GXYLT1: variants seen among roughly 807,000 people sequenced by gnomAD.
The protein encoded by GXYLT1 is glucoside xylosyltransferase 1, also known as glycosyltransferase 8 domain containing 3.
In GXYLT1, 29 loss-of-function variants were observed where a neutral mutation model predicts 54.0. The ratio of observed to expected loss-of-function variants is 0.54; its 90% CI spans 0.40 to 0.73. The LOEUF (loss-of-function observed/expected upper bound fraction) is 0.73. Among genes scored for constraint, GXYLT1 ranks in the 30% least tolerant of loss-of-function variants. The pLI is 0.00. For synonymous variants in GXYLT1, 176 were observed against 204.1 expected (o/e 0.86, Z 1.17); for missense variants, 490 against 553.4 (o/e 0.89, Z 1.15).
At chr12:42,097,711 A>G (rs2065364280) in intron 6 of GXYLT1, 97 bp from the exon 7 acceptor site, 1 of 1,183,470 alleles carries the variant, frequency 8.4e-7, no homozygotes, top group Non-Finnish European at 1.2e-6. Context: ...AGCTCTTACA[A>G]GTAAGAATTA....
At chr12:42,140,901 C>A (rs1441985447) in intron 1 of GXYLT1, among the ~76,000 whole-genome samples, 2 of 152,154 alleles carry the variant, frequency 1.3e-5, no homozygotes, top group Non-Finnish European at 2.9e-5. Context: ...TTTAATCATC[C>A]TGAGTAACTA....
intron 3 of GXYLT1, among the ~76,000 whole-genome samples, chr12:42,110,308 CAGTT>C (rs1224631699): frequency 6.6e-6 from 1 of 152,128 alleles, no homozygotes; most frequent in Non-Finnish European, 1.5e-5. Flanking sequence ...GTTTCTAATT[CAGTT>C]TAAGTATTAT....
chr12:42,100,832 G>A (rs1040339147), intron 5 of GXYLT1, among the ~76,000 whole-genome samples: 1 of 151,960 alleles, frequency 6.6e-6, no homozygotes, highest in East Asian at 1.9e-4. Flanking sequence ...CAGAACTGGT[G>A]GAGCCCTTGT....
chr12:42,094,351 C>CAAAA (rs11406709), intron 7 of GXYLT1, among the ~76,000 whole-genome samples: 1 of 74,636 alleles, frequency 1.3e-5, no homozygotes, highest in Non-Finnish European at 2.6e-5. Context: ...AACCCTGCCT[C>CAAAA]AAAAAAAAAA....
intron 5 of GXYLT1, among the ~76,000 whole-genome samples, chr12:42,104,243 T>C (rs1441454902): frequency 1.5e-5 from 2 of 133,364 alleles, no homozygotes; most frequent in Non-Finnish European, 3.2e-5. Context: ...AATGCAGTTA[T>C]TGAGAAGTCA....
intron 2 of GXYLT1, among the ~76,000 whole-genome samples, chr12:42,127,182 G>T (rs1001033533): frequency 1.3e-5 from 2 of 152,146 alleles, no homozygotes; most frequent in Non-Finnish European, 2.9e-5. Context: ...AGCTTTACCA[G>T]TATTAAAGTA....
In GXYLT1 at chr12:42,119,030, T is replaced by G. The variant is rs1193797559; in HGVS notation, c.456A>C (p.Glu152Asp). ...CTTTAAAGCTATGATGTAGCTGATCTTCAGCAAAAATATGGAATTGAAGAG... is the reference window on the plus strand; with the variant it reads ...CTTTAAAGCTATGATGTAGCTGATCGTCAGCAAAAATATGGAATTGAAGAG... ...IKPLQFHIFA[E>D]DQLHHSFKGR... is the part of the protein sequence containing the mutation. Residue 152 changes from glutamate to aspartate, a missense_variant, in exon 3 of 8, where the codon GAA becomes GAC. Coordinates refer to ENST00000398675, the MANE Select transcript of GXYLT1 (RefSeq NM_173601.2). 6.2e-7 allele frequency: 1 copy of G among 1,613,950 alleles called. No individual in the cohort carries two copies.
Position 42,144,562 on chromosome 12 carries a change from A to T in GXYLT1, c.85T>A (p.Ser29Thr). The change falls in exon 1 of 8, where the codon TCC becomes ACC. Residue 29 changes from serine (S) to threonine (T), a missense_variant. Ser to Thr is a moderately conservative substitution (Grantham distance 58). This residue lies in a region of GXYLT1 where 148 missense variants were observed against 210.7 expected (regional missense o/e 0.70). Transcript: ENST00000398675. ...LLYAFSQLAV[S>T]LEEGTGGGGG... Reference sequence around the variant, plus strand: ...CCGCCGCCCGTTCCTTCTTCCAGGGACACGGCGAGCTGGCTGAAAGCGTAA... The same window carrying T: ...CCGCCGCCCGTTCCTTCTTCCAGGGTCACGGCGAGCTGGCTGAAAGCGTAA... 1 of 1,465,184 alleles carries T rather than the reference A, an allele frequency of 6.8e-7. No individual in the cohort carries two copies. The highest frequency in any genetic ancestry group is 9.0e-7 in the Non-Finnish European group (1 of 1,107,608). The allele number at this position is 1,465,184 out of a possible 1,614,324, so 90.8% of individuals were successfully genotyped here.
chr12:42,100,271 A>AT (rs2065382306), intron 5 of GXYLT1, among the ~76,000 whole-genome samples: 1 of 152,130 alleles, frequency 6.6e-6, no homozygotes, highest in Non-Finnish European at 1.5e-5. Context: ...TACTATGTAA[A>AT]TTTTTTCTAT....
At chr12:42,135,670 C>T (rs7971943) in intron 1 of GXYLT1, among the ~76,000 whole-genome samples, 78,150 of 152,052 alleles carry the variant, frequency 0.51, 20,515 homozygotes, top group South Asian at 0.69. Context: ...GTGGATAAAC[C>T]TTGAAATATT....
At chr12:42,142,205 T>C (rs961914898) in intron 1 of GXYLT1, among the ~76,000 whole-genome samples, 12 of 152,224 alleles carry the variant, frequency 7.9e-5, no homozygotes, top group Non-Finnish European at 1.5e-4. Flanking sequence ...GAAAGAGCTC[T>C]TGTATAACAC....
intron 5 of GXYLT1, among the ~76,000 whole-genome samples, chr12:42,101,368 C>T (rs1229733027): frequency 1.3e-5 from 2 of 152,014 alleles, no homozygotes; most frequent in African/African-American, 2.4e-5. Flanking sequence ...ATATTTTCAG[C>T]CATACAACTA....
rs1373550913 is a variant in GXYLT1, at chr12:42,085,248, G to T, written c.*2538C>A. ...AATTTATGGTAAAATGATCAATTAG[G>T]TCAGGTCTAAATAAACCAGATGAAG... On this transcript the variant is annotated 3_prime_UTR_variant, in exon 8 of 8. Coordinates refer to ENST00000398675, the MANE Select transcript of GXYLT1 (RefSeq NM_173601.2). 1 of 138,060 alleles carries T rather than the reference G, an allele frequency of 7.2e-6. No individual in the cohort carries two copies. Among genetic ancestry groups the T allele is most frequent in the Admixed American group, 7.1e-5 (1 of 14,034 alleles). The allele number at this position is 138,060 out of a possible 1,614,324, so 8.6% of individuals were successfully genotyped here. A position where few individuals can be genotyped will look rare whatever the true frequency, so the allele number is the denominator to read the frequency against.
chr12:42,141,957 A>AT (rs752312932), intron 1 of GXYLT1, among the ~76,000 whole-genome samples: 61 of 152,238 alleles, frequency 4.0e-4, no homozygotes, highest in Non-Finnish European at 7.1e-4. Flanking sequence ...ATGAAATTCT[A>AT]TACCATGAAT....
chr12:42,112,260 A>G (rs981509165), intron 3 of GXYLT1, among the ~76,000 whole-genome samples: 3 of 152,248 alleles, frequency 2.0e-5, no homozygotes, highest in African/African-American at 7.2e-5. Context: ...AAAGGAATGC[A>G]GCTCCTCACC....
Position 42,087,528 on chromosome 12 carries a change from A to G in GXYLT1, c.*258T>C. 2.8e-6 allele frequency: 1 copy of G among 355,240 alleles called. No individual in the cohort carries two copies. Among genetic ancestry groups the G allele is most frequent in the Admixed American group, 4.8e-5 (1 of 20,710 alleles). 22.0% of individuals were successfully genotyped at this position (355,240 alleles called of 1,614,324 possible). A position where few individuals can be genotyped will look rare whatever the true frequency, so the allele number is the denominator to read the frequency against. Reference sequence around the variant, plus strand: ...AGAAGTCTGCAGGTTAAACCCATTCAATAGTATTTTCATCAATACTGGAAT... The same window carrying G: ...AGAAGTCTGCAGGTTAAACCCATTCGATAGTATTTTCATCAATACTGGAAT... On this transcript the variant is annotated 3_prime_UTR_variant, in exon 8 of 8. Coordinates refer to ENST00000398675, the MANE Select transcript of GXYLT1 (RefSeq NM_173601.2).
chr12:42,129,858 G>A lies in GXYLT1; in HGVS notation c.222-7C>T. Reference sequence around the variant, plus strand: ...CAGAGAGAAATCTTTACACCTAACAGAGTAAGACAGAAATAAGAGTCCTGT... The same window carrying A: ...CAGAGAGAAATCTTTACACCTAACAAAGTAAGACAGAAATAAGAGTCCTGT... On this transcript the variant is annotated splice_polypyrimidine_tract_variant and splice_region_variant and intron_variant, in intron 1 of 7. Coordinates refer to ENST00000398675, the MANE Select transcript of GXYLT1 (RefSeq NM_173601.2). The A allele has an allele frequency of 9.5e-6, 15 of 1,581,014 alleles. No homozygotes were observed. Among genetic ancestry groups the A allele is most frequent in the African/African-American group, 1.3e-5 (1 of 74,328 alleles).
chr12:42,127,627 G>A (rs943460285), intron 2 of GXYLT1, among the ~76,000 whole-genome samples: 11 of 152,172 alleles, frequency 7.2e-5, no homozygotes, highest in Admixed American at 6.5e-4. Context: ...TCAGTAAGGA[G>A]GAAAGATTAT....
intron 1 of GXYLT1, among the ~76,000 whole-genome samples, chr12:42,138,130 G>A (rs989646063): frequency 6.6e-6 from 1 of 152,066 alleles, no homozygotes; most frequent in African/African-American, 2.4e-5. Context: ...AGCAAGGTGT[G>A]GTGGCATGCG....
Sources: allele counts gnomAD v4.1 joint callset (sites outside exome capture counted in the v4.1 genomes callset), GRCh38; gene constraint gnomAD v4.1.1; regional missense constraint gnomAD v4.1.1; transcripts MANE v1.5; gene names NCBI Gene and HGNC (gene_info 2026-07-23, HGNC 2026-07-21).